ALG5: variants seen among roughly 807,000 people sequenced by gnomAD.
ALG5 encodes ALG5 dolichyl-phosphate beta-glucosyltransferase, also known as dolichyl-phosphate beta-glucosyltransferase.
A neutral mutation model predicts 51.8 loss-of-function variants in ALG5; 26 were observed. The ratio of observed to expected loss-of-function variants is 0.50; its 90% CI spans 0.37 to 0.70. The LOEUF (loss-of-function observed/expected upper bound fraction) is 0.70, where lower values mean the gene tolerates loss of function less well. Among genes scored for constraint, ALG5 ranks in the 30% least tolerant of loss-of-function variants. ALG5 has a pLI of 0.00. For synonymous variants in ALG5, 141 were observed against 136.1 expected, an observed-to-expected ratio of 1.04 and a Z score of -0.25; for missense variants, 311 against 399.3, an observed-to-expected ratio of 0.78 and a Z score of 1.88.
At chr13:36,968,590 T>C (rs1302113992) in intron 7 of ALG5, among the ~76,000 whole-genome samples, 1 of 152,236 alleles carries the variant, frequency 6.6e-6, no homozygotes, top group Non-Finnish European at 1.5e-5. Context: ...GTCATGTTTG[T>C]CTTCCAAGGG....
rs1452085358 is a variant in ALG5, at chr13:36,958,846, C to T, written c.774-6247G>A. Among the ~76,000 whole-genome samples the T allele has an allele frequency of 7.2e-5, 11 of 152,232 alleles. No individual in the cohort carries two copies. In the South Asian group the frequency reaches 1.7e-3, roughly 23 times the overall value. On this transcript the variant is annotated intron_variant, in intron 8 of 9. Coordinates refer to ENST00000239891, the MANE Select transcript of ALG5 (RefSeq NM_013338.5). ...GTAAAGAAATAGTCAAATCATATAT[C>T]GCCTGAGAGCACAGGGGGAGGGACA...
chr13:36,950,155 A>C, intron 9 of ALG5, 98 bp from the exon 10 acceptor site: 2 of 636,844 alleles, frequency 3.1e-6, no homozygotes, highest in South Asian at 2.8e-5. Context: ...GTGAGCCTTT[A>C]GCACCTTAAT....
At chr13:36,950,548 T>C (rs1307430401) in intron 9 of ALG5, among the ~76,000 whole-genome samples, 1 of 151,834 alleles carries the variant, frequency 6.6e-6, no homozygotes, top group Non-Finnish European at 1.5e-5. Flanking sequence ...ACCAGCCTAA[T>C]TAAATATCTG....
chr13:36,964,162 G>A (rs983845873), intron 8 of ALG5, among the ~76,000 whole-genome samples: 4 of 152,132 alleles, frequency 2.6e-5, no homozygotes, highest in African/African-American at 9.7e-5. Flanking sequence ...AGAGAGTGAG[G>A]GCAGGCTACC....
At chr13:36,960,501 C>A (rs1482245165) in intron 8 of ALG5, among the ~76,000 whole-genome samples, 1 of 151,872 alleles carries the variant, frequency 6.6e-6, no homozygotes, top group Non-Finnish European at 1.5e-5. Flanking sequence ...AAGTTCATTT[C>A]AAAGAAAAAA....
intron 3 of ALG5, among the ~76,000 whole-genome samples, chr13:36,994,124 CT>C (rs1340039000): frequency 2.6e-5 from 4 of 152,132 alleles, no homozygotes; most frequent in African/African-American, 9.7e-5. Context: ...ACAGAAAAAC[CT>C]ACTCTATGTG....
intron 1 of ALG5, among the ~76,000 whole-genome samples, chr13:36,998,427 G>GC (rs1254217178): frequency 6.6e-6 from 1 of 152,166 alleles, no homozygotes; most frequent in African/African-American, 2.4e-5. Flanking sequence ...TGTCTAGGTG[G>GC]CTAATCTGAA....
At chr13:36,970,299 A>C (rs1273850499) in intron 7 of ALG5, among the ~76,000 whole-genome samples, 1 of 152,128 alleles carries the variant, frequency 6.6e-6, no homozygotes, top group East Asian at 1.9e-4. Flanking sequence ...ACTAGGTGCT[A>C]GTAAAATAAT....
intron 7 of ALG5, chr13:36,967,791 C>T (rs1350449480): frequency 2.4e-6 from 3 of 1,234,084 alleles, no homozygotes; most frequent in East Asian, 1.1e-4. Context: ...GATTAAACCT[C>T]CAAAAGAGCA....
intron 8 of ALG5, among the ~76,000 whole-genome samples, chr13:36,954,451 A>G (rs2058831433): frequency 6.6e-6 from 1 of 152,134 alleles, no homozygotes; most frequent in South Asian, 2.1e-4. Context: ...TTGACCTCCC[A>G]AAGTCCTGAG....
At chr13:36,968,025 A>C in intron 7 of ALG5, 1 of 229,584 alleles carries the variant, frequency 4.4e-6, no homozygotes. Flanking sequence ...AAAGCAGAAA[A>C]ATGTAGAGTT....
intron 1 of ALG5, among the ~76,000 whole-genome samples, chr13:36,997,258 A>C (rs2059054946): frequency 1.3e-5 from 2 of 152,038 alleles, no homozygotes; most frequent in African/African-American, 4.8e-5. Flanking sequence ...GGATCACCTG[A>C]GTTCAGGAGT....
At chr13:36,961,754 C>G (rs2058868161) in intron 8 of ALG5, among the ~76,000 whole-genome samples, 1 of 152,106 alleles carries the variant, frequency 6.6e-6, no homozygotes, top group Admixed American at 6.5e-5. Flanking sequence ...TACCTATACT[C>G]AACTCTGCAG....
chr13:36,997,466 C>CAAAAAAAAAA (rs57878611), intron 1 of ALG5, among the ~76,000 whole-genome samples: 2 of 78,130 alleles, frequency 2.6e-5, no homozygotes, highest in African/African-American at 9.8e-5. Context: ...GACTCCGTCT[C>CAAAAAAAAAA]AAAAAAAAAA....
At chr13:36,993,531 A>G in intron 4 of ALG5, 73 bp downstream of exon 4, 2 of 1,282,184 alleles carry the variant, frequency 1.6e-6, no homozygotes, top group Non-Finnish European at 2.3e-6. Flanking sequence ...GGTGAATGAA[A>G]GTGAGATTTC....
chr13:36,982,350 C>T (rs1481963585), intron 6 of ALG5, among the ~76,000 whole-genome samples: 1 of 152,172 alleles, frequency 6.6e-6, no homozygotes, highest in Admixed American at 6.5e-5. Flanking sequence ...TAGAGCTATG[C>T]AGTAGAGGCT....
At chr13:36,983,070 A>G (rs918881536) in intron 6 of ALG5, among the ~76,000 whole-genome samples, 6 of 152,226 alleles carry the variant, frequency 3.9e-5, no homozygotes, top group Admixed American at 2.6e-4. Context: ...AACTAGATTT[A>G]TAAGAATAAA....
chr13:36,962,949 A>G (rs2058874712), intron 8 of ALG5, among the ~76,000 whole-genome samples: 1 of 152,106 alleles, frequency 6.6e-6, no homozygotes, highest in Non-Finnish European at 1.5e-5. Context: ...AAATCTGATC[A>G]GCTTTTTACT....
At chr13:36,976,972 C>T (rs1476817091) in intron 6 of ALG5, among the ~76,000 whole-genome samples, 1 of 152,146 alleles carries the variant, frequency 6.6e-6, no homozygotes, top group Non-Finnish European at 1.5e-5. Flanking sequence ...GAACATACTT[C>T]TCCATTTCAA....
Sources: gnomAD v4.1 joint callset for allele counts (sites outside exome capture counted in the v4.1 genomes callset) on GRCh38, gnomAD v4.1.1 for gene constraint, MANE v1.5 for transcripts, NCBI Gene and HGNC (gene_info 2026-07-23, HGNC 2026-07-21) for gene names.